The following HDAC9 variants were observed in gnomAD, a reference collection of about 807,000 sequenced individuals.
The protein encoded by HDAC9 is MEF-2 interacting transcription repressor (MITR) protein.
Under a neutral mutation model 139.4 loss-of-function variants are expected in HDAC9, and 41 were observed. That is an observed-to-expected ratio of 0.29 (90% CI 0.23 to 0.38). HDAC9 has a LOEUF of 0.38. HDAC9 is among the 10% of genes least tolerant of loss of function. The pLI is 1.00. For synonymous variants in HDAC9, 517 were observed against 476.2 expected, an observed-to-expected ratio of 1.09 and a Z score of -1.12; for missense variants, 1,147 against 1,297.0, an observed-to-expected ratio of 0.88 and a Z score of 1.78.
At chr7:18,563,278 A>G (rs1040154299) in intron 2 of HDAC9, among the ~76,000 whole-genome samples, 3 of 152,268 alleles carry the variant, frequency 2.0e-5, no homozygotes, top group South Asian at 4.1e-4. Context: ...GTTTTATACA[A>G]TTGGTCTTCA....
chr7:18,568,890 A>G (rs546815088), intron 2 of HDAC9, among the ~76,000 whole-genome samples: 1 of 152,180 alleles, frequency 6.6e-6, no homozygotes, highest in Admixed American at 6.5e-5. Context: ...TCTACTAAAA[A>G]TACAAAATTA....
At chr7:18,780,857 A>G (rs1366128536) in intron 16 of HDAC9, among the ~76,000 whole-genome samples, 1 of 152,056 alleles carries the variant, frequency 6.6e-6, no homozygotes, top group African/African-American at 2.4e-5. Context: ...GCACTAGCCC[A>G]TTGTGTTCTA....
chr7:18,264,643 T>C (rs1434902490), intron 2 of HDAC9, among the ~76,000 whole-genome samples: 1 of 152,196 alleles, frequency 6.6e-6, no homozygotes, highest in Non-Finnish European at 1.5e-5. Context: ...ACAATTAATT[T>C]TGAAGGATTA....
Position 18,758,345 on chromosome 7 carries a change from C to T in HDAC9, c.2044-3812C>T, listed in dbSNP as rs143461420. ...TCTCTGAGAATAGAAATCAGTACTC[C>T]CTAAATTAAGATTATCAGAAAACTT... is the stretch of plus-strand genomic sequence containing the variant. On this transcript the variant is annotated intron_variant, in intron 14 of 25. Transcript: ENST00000686413. Among the ~76,000 whole-genome samples the T allele has an allele frequency of 2.6e-3, 401 of 152,182 alleles. 2 individuals carry two copies. The highest frequency in any genetic ancestry group is 9.2e-3 in the African/African-American group (384 of 41,518).
chr7:18,093,059 G>A (rs1325808265), intron 1 of HDAC9, among the ~76,000 whole-genome samples: 1 of 152,140 alleles, frequency 6.6e-6, no homozygotes, highest in East Asian at 1.9e-4. Context: ...TATATTTGTG[G>A]CCCAGTGACT....
chr7:18,529,084 G>A (rs959523497), intron 2 of HDAC9, among the ~76,000 whole-genome samples: 2 of 151,896 alleles, frequency 1.3e-5, no homozygotes, highest in African/African-American at 4.8e-5. Context: ...ATGACTCAAT[G>A]TTAAGAGAGC....
At chr7:18,555,213 A>G (rs1005958125) in intron 2 of HDAC9, among the ~76,000 whole-genome samples, 1 of 152,206 alleles carries the variant, frequency 6.6e-6, no homozygotes, top group South Asian at 2.1e-4. Flanking sequence ...GGCAGTAGGT[A>G]TCAAGAGATT....
chr7:18,618,673 C>A lies in HDAC9; in HGVS notation c.665-10677C>A, dbSNP rs555580493. 3.4e-5 allele frequency among the ~76,000 whole-genome samples: 5 copies of A among 146,948 alleles called. No homozygotes were observed. In the East Asian group the frequency reaches 5.9e-4, roughly 17 times the overall value. ...ATATATCCACAATAAAATTACTTTT[C>A]ATGCCATTTCTATTTGAATGGTATA... On this transcript the variant is annotated intron_variant, in intron 6 of 25. Coordinates refer to ENST00000686413, the MANE Select transcript of HDAC9 (RefSeq NM_178425.4).
intron 22 of HDAC9, among the ~76,000 whole-genome samples, chr7:18,913,592 T>C (rs945166473): frequency 4.6e-5 from 7 of 152,122 alleles, no homozygotes; most frequent in African/African-American, 1.7e-4. Context: ...AGGACGCTTA[T>C]AGCAGCCTTC....
At chr7:18,162,268 G>C in exon 2 of HDAC9, 3 of 1,502,990 alleles carry the variant, frequency 2.0e-6, no homozygotes, top group Non-Finnish European at 1.8e-6. Flanking sequence ...ATTGTCAGCA[G>C]TTGAACGACA....
rs1199010183 is a variant in HDAC9 at position 18,591,371 on chromosome 7, A to G, written c.416-145A>G. The G allele has an allele frequency of 1.0e-5, 12 of 1,169,154 alleles. No homozygotes were observed. The East Asian group carries it at 3.3e-4, about 32-fold the overall frequency. 72.4% of individuals were successfully genotyped at this position (1,169,154 alleles called of 1,614,324 possible). A position where few individuals can be genotyped will look rare whatever the true frequency, so the allele number is the denominator to read the frequency against. On this transcript the variant is annotated intron_variant, in intron 4 of 25. Coordinates refer to ENST00000686413, the MANE Select transcript of HDAC9 (RefSeq NM_178425.4). ...CTGTGGTTTCTTCTTTTAATAGGAA[A>G]ACTTTATGTGCTGTGACCAGCGATT...
intron 25 of HDAC9, among the ~76,000 whole-genome samples, chr7:18,989,335 C>G (rs528605794): frequency 2.1e-3 from 322 of 151,688 alleles, no homozygotes; most frequent in African/African-American, 7.6e-3. Context: ...CTTAGTTTGG[C>G]TGGATATGAA....
At chr7:18,363,442 G>A (rs372160949) in intron 1 of HDAC9, among the ~76,000 whole-genome samples, 6 of 151,970 alleles carry the variant, frequency 3.9e-5, no homozygotes, top group Admixed American at 2.6e-4. Flanking sequence ...GCCTAGATTC[G>A]CAAAGAAAAA....
rs915284108 is a variant in HDAC9 at position 18,852,986 on chromosome 7, A to G, written c.2684+16989A>G. ...AATCATAGTAGGGGTGCGGGGAGCA[A>G]CCAGTATTTACATGGGGAGCGCACA... is the stretch of plus-strand genomic sequence containing the variant. On this transcript the variant is annotated intron_variant, in intron 21 of 25. Coordinates refer to ENST00000686413, the MANE Select transcript of HDAC9 (RefSeq NM_178425.4). Among the ~76,000 whole-genome samples, 10 of 152,196 alleles carry G rather than the reference A, an allele frequency of 6.6e-5. No individual in the cohort carries two copies. In the East Asian group the frequency reaches 1.7e-3, roughly 27 times the overall value.
At chr7:18,198,598 T>C (rs1305806244) in intron 2 of HDAC9, among the ~76,000 whole-genome samples, 1 of 152,200 alleles carries the variant, frequency 6.6e-6, no homozygotes, top group East Asian at 1.9e-4. Context: ...CTGTTTTGAA[T>C]AGCACATTAT....
At chr7:18,714,774 C>T (rs1037237599) in intron 12 of HDAC9, among the ~76,000 whole-genome samples, 2 of 152,110 alleles carry the variant, frequency 1.3e-5, no homozygotes, top group Non-Finnish European at 2.9e-5. Flanking sequence ...TTGTGTGGAA[C>T]TGGGTGAATA....
At chr7:18,129,076 A>G (rs1218165954) in intron 1 of HDAC9, among the ~76,000 whole-genome samples, 1 of 152,154 alleles carries the variant, frequency 6.6e-6, no homozygotes, top group African/African-American at 2.4e-5. Flanking sequence ...AAAGAGAACA[A>G]TGCTGTGATT....
chr7:18,570,682 A>G (rs1238343767), intron 2 of HDAC9, among the ~76,000 whole-genome samples: 2 of 152,070 alleles, frequency 1.3e-5, no homozygotes, highest in Non-Finnish European at 2.9e-5. Context: ...TGTGGCCTCC[A>G]TTTTCCTCAT....
At chr7:18,486,775 G>A (rs976124038) in intron 1 of HDAC9, among the ~76,000 whole-genome samples, 5 of 151,742 alleles carry the variant, frequency 3.3e-5, no homozygotes, top group African/African-American at 9.7e-5. Flanking sequence ...GTATAATTTC[G>A]TCCAGAAAAA....
Sources: gnomAD v4.1 joint callset for allele counts (sites outside exome capture counted in the v4.1 genomes callset) on GRCh38, gnomAD v4.1.1 for gene constraint, MANE v1.5 for transcripts, NCBI Gene and HGNC (gene_info 2026-07-23, HGNC 2026-07-21) for gene names.